Variants in KLHL1 observed in about 807,000 individuals in gnomAD.
KLHL1 encodes kelch like family member 1, also known as kelch-like protein 1.
Under a neutral mutation model 77.7 loss-of-function variants are expected in KLHL1, and 47 were observed. The ratio of observed to expected loss-of-function variants is 0.60; its 90% CI spans 0.48 to 0.77. The LOEUF (loss-of-function observed/expected upper bound fraction) is 0.77, where lower values mean the gene tolerates loss of function less well. Ranked by LOEUF, KLHL1 falls within the 30% of genes least tolerant of loss-of-function variation. The pLI is 0.00. For missense variants in KLHL1, 925 were observed against 910.8 expected (o/e 1.02, Z -0.20); for synonymous variants, 360 against 325.2 (o/e 1.11, Z -1.15).
At chr13:70,057,547 C>T (rs1392883040) in intron 1 of KLHL1, among the ~76,000 whole-genome samples, 2 of 145,640 alleles carry the variant, frequency 1.4e-5, no homozygotes, top group Non-Finnish European at 3.0e-5. Context: ...GAGGCCGAGG[C>T]GGGTGGATCA....
intron 4 of KLHL1, among the ~76,000 whole-genome samples, chr13:69,902,887 C>A (rs1361150739): frequency 6.6e-6 from 1 of 151,818 alleles, no homozygotes; most frequent in African/African-American, 2.4e-5. Context: ...CACATGTACC[C>A]TAAAACTTAA....
chr13:69,774,653 C>G (rs1405028432), intron 7 of KLHL1, among the ~76,000 whole-genome samples: 1 of 142,820 alleles, frequency 7.0e-6, no homozygotes, highest in African/African-American at 2.5e-5. Flanking sequence ...ATAAACTTGC[C>G]TTCACTTAAT....
intron 1 of KLHL1, among the ~76,000 whole-genome samples, chr13:70,093,544 T>C (rs1469980177): frequency 6.6e-6 from 1 of 152,182 alleles, no homozygotes; most frequent in African/African-American, 2.4e-5. Context: ...ATTATCTTTC[T>C]CTTGATGTCT....
At chr13:69,801,135 A>C (rs187793144) in intron 6 of KLHL1, among the ~76,000 whole-genome samples, 81 of 152,294 alleles carry the variant, frequency 5.3e-4, no homozygotes, top group African/African-American at 1.8e-3. Context: ...CCATACATTT[A>C]TTTAAAATAT....
chr13:69,820,439 GTTCATGCACAGGCTT>G (rs1878288514), intron 6 of KLHL1, among the ~76,000 whole-genome samples: 1 of 152,096 alleles, frequency 6.6e-6, no homozygotes, highest in South Asian at 2.1e-4. Context: ...TCATTATCAA[GTTCATGCACAGGCTT>G]TTGTGTTTAC....
At chr13:69,991,322 T>C (rs1885022486) in intron 1 of KLHL1, among the ~76,000 whole-genome samples, 1 of 151,404 alleles carries the variant, frequency 6.6e-6, no homozygotes, top group African/African-American at 2.4e-5. Flanking sequence ...AACTGAAGAA[T>C]ATAGAGACAC....
chr13:69,748,823 G>C (rs1347942945), intron 7 of KLHL1, among the ~76,000 whole-genome samples: 7 of 151,798 alleles, frequency 4.6e-5, no homozygotes, highest in African/African-American at 1.7e-4. Context: ...AAGAAATTAA[G>C]AATTGCAAGC....
intron 1 of KLHL1, among the ~76,000 whole-genome samples, chr13:70,088,378 T>C (rs1278567576): frequency 7.3e-6 from 1 of 137,390 alleles, no homozygotes; most frequent in East Asian, 2.2e-4. Context: ...ATCCAAAATA[T>C]ATACAAATAT....
Position 69,772,098 on chromosome 13 carries a change from C to T in KLHL1, c.1639+24640G>A, listed in dbSNP as rs1343007558. Among the ~76,000 whole-genome samples, 3 of 152,082 alleles carry T rather than the reference C, an allele frequency of 2.0e-5. No individual in the cohort carries two copies. In the East Asian group the frequency reaches 5.8e-4, roughly 29 times the overall value. On this transcript the variant is annotated intron_variant, in intron 7 of 10. Transcript: ENST00000377844. ...TCCCGAGTAGCTGGGATTACAGGCGCCTGCCACCACGCCCAGCTAATTTTT... is the reference window on the plus strand; with the variant it reads ...TCCCGAGTAGCTGGGATTACAGGCGTCTGCCACCACGCCCAGCTAATTTTT...
At chr13:70,095,816 C>A (rs976750963) in intron 1 of KLHL1, among the ~76,000 whole-genome samples, 13 of 151,606 alleles carry the variant, frequency 8.6e-5, no homozygotes, top group Non-Finnish European at 4.4e-5. Flanking sequence ...GAATAACTGT[C>A]CCTTCTCCCT....
In KLHL1 at chr13:69,796,869, A is replaced by G. The variant is rs746689793; in HGVS notation, c.1508T>C (p.Val503Ala). The G allele has an allele frequency of 1.2e-6, 2 of 1,614,124 alleles. No homozygotes were observed. Among genetic ancestry groups the G allele is most frequent in the South Asian group, 2.2e-5 (2 of 91,080 alleles). Residue 503 changes from valine to alanine, a missense_variant, in exon 7 of 11, where the codon GTT becomes GCT. By Grantham distance (64) the Val-to-Ala change is moderately conservative. Transcript: ENST00000377844. ...NGRRLQFGVA[V>A]IDDKLFVIGG... Reference sequence around the variant, plus strand: ...AATTACAAAGAGTTTGTCATCAATAACAGCCACACCAAACTGCAGCCTTCT... The same window carrying G: ...AATTACAAAGAGTTTGTCATCAATAGCAGCCACACCAAACTGCAGCCTTCT...
chr13:70,047,290 A>T (rs1886524811), intron 1 of KLHL1, among the ~76,000 whole-genome samples: 1 of 151,866 alleles, frequency 6.6e-6, no homozygotes, highest in African/African-American at 2.4e-5. Flanking sequence ...GAAAAAAAAA[A>T]AACCCACAAA....
intron 6 of KLHL1, among the ~76,000 whole-genome samples, chr13:69,812,558 G>T (rs1387954823): frequency 1.3e-5 from 2 of 151,990 alleles, no homozygotes; most frequent in African/African-American, 2.4e-5. Flanking sequence ...GGGAGAAAAT[G>T]TTTGCAATCT....
At chr13:69,826,578 C>CAAAGAAAG (rs144260651) in intron 6 of KLHL1, among the ~76,000 whole-genome samples, 3 of 151,088 alleles carry the variant, frequency 2.0e-5, no homozygotes, top group African/African-American at 7.3e-5. Context: ...AAAACTGTCT[C>CAAAGAAAG]AAAGAAAGAA....
intron 1 of KLHL1, among the ~76,000 whole-genome samples, chr13:70,033,552 C>T (rs1286754575): frequency 1.3e-5 from 2 of 150,220 alleles, no homozygotes; most frequent in African/African-American, 2.4e-5. Context: ...GTGATCCACC[C>T]GCCTTGGCCT....
intron 9 of KLHL1, among the ~76,000 whole-genome samples, chr13:69,716,174 C>T (rs974884096): frequency 7.9e-5 from 12 of 152,126 alleles, no homozygotes; most frequent in African/African-American, 2.9e-4. Context: ...ATCCATTTAT[C>T]TTCTATAATT....
chr13:70,021,589 C>G (rs2137352526), intron 1 of KLHL1, among the ~76,000 whole-genome samples: 1 of 152,158 alleles, frequency 6.6e-6, no homozygotes, highest in South Asian at 2.1e-4. Context: ...ATCTGCCAAA[C>G]TGTCTCCCAA....
intron 1 of KLHL1, among the ~76,000 whole-genome samples, chr13:70,062,150 C>T (rs894240872): frequency 1.3e-5 from 2 of 152,114 alleles, no homozygotes; most frequent in East Asian, 1.9e-4. Flanking sequence ...TACTACAATA[C>T]AATGGGAAGC....
At chr13:69,773,806 A>C (rs1875691797) in intron 7 of KLHL1, among the ~76,000 whole-genome samples, 1 of 151,578 alleles carries the variant, frequency 6.6e-6, no homozygotes, top group South Asian at 2.1e-4. Flanking sequence ...ATGTGAAGGC[A>C]ATATCATGTT....
Sources: allele counts gnomAD v4.1 joint callset (sites outside exome capture counted in the v4.1 genomes callset), GRCh38; gene constraint gnomAD v4.1.1; transcripts MANE v1.5; gene names NCBI Gene and HGNC (gene_info 2026-07-23, HGNC 2026-07-21).